Variants in ERH observed in about 807,000 individuals in gnomAD.
The protein encoded by ERH is enhancer of rudimentary homolog.
ERH carries 1 observed loss-of-function variant against 16.8 expected under a neutral mutation model. The ratio of observed to expected loss-of-function variants is 0.06; its 90% CI spans 0.02 to 0.28. The LOEUF is 0.28. ERH is among the 10% of genes least tolerant of loss of function. The pLI is 1.00. For synonymous variants in ERH, 43 were observed against 43.6 expected (o/e 0.99, Z 0.05); for missense variants, 42 against 127.5 (o/e 0.33, Z 3.23).
chr14:69,394,605 C>CACAA (rs1467591315), intron 2 of ERH, among the ~76,000 whole-genome samples: 1 of 124,696 alleles, frequency 8.0e-6, no homozygotes, highest in East Asian at 2.0e-4. Flanking sequence ...TCAAATAATA[C>CACAA]ATAAATAAAC....
intron 1 of ERH, 117 bp downstream of exon 1, chr14:69,398,113 TG>T: frequency 8.4e-7 from 1 of 1,189,594 alleles, no homozygotes; most frequent in Non-Finnish European, 1.2e-6. Flanking sequence ...CCGACTAGAG[TG>T]GCGGGGAGCA....
At chr14:69,391,237 C>G (rs564511170) in intron 2 of ERH, among the ~76,000 whole-genome samples, 2 of 152,248 alleles carry the variant, frequency 1.3e-5, no homozygotes, top group East Asian at 3.9e-4. Flanking sequence ...AGATGCTCTT[C>G]AATAAGTGAA....
At chr14:69,385,509 C>T (rs2045886477) in intron 3 of ERH, among the ~76,000 whole-genome samples, 1 of 152,014 alleles carries the variant, frequency 6.6e-6, no homozygotes, top group African/African-American at 2.4e-5. Context: ...TTTGAGCTAT[C>T]AGTTTCTCCT....
At chr14:69,396,341 A>T (rs1367705613) in intron 1 of ERH, among the ~76,000 whole-genome samples, 1 of 152,238 alleles carries the variant, frequency 6.6e-6, no homozygotes, top group Non-Finnish European at 1.5e-5. Context: ...AGCTCACCGC[A>T]ACCTCTGCTT....
At chr14:69,397,586 C>T (rs1000614845) in intron 1 of ERH, among the ~76,000 whole-genome samples, 5 of 152,170 alleles carry the variant, frequency 3.3e-5, no homozygotes, top group African/African-American at 1.2e-4. Flanking sequence ...CAACCCTGGC[C>T]CATTGTTCCT....
chr14:69,393,717 T>C (rs1467827752), intron 2 of ERH, among the ~76,000 whole-genome samples: 2 of 152,170 alleles, frequency 1.3e-5, no homozygotes, highest in Non-Finnish European at 2.9e-5. Flanking sequence ...CACCAGGTGA[T>C]GGCTACAATA....
At chr14:69,392,484 C>T (rs577014173) in intron 2 of ERH, among the ~76,000 whole-genome samples, 1 of 152,172 alleles carries the variant, frequency 6.6e-6, no homozygotes, top group South Asian at 2.1e-4. Flanking sequence ...ACTATGGAGA[C>T]AGTAAAAAGA....
intron 2 of ERH, 35 bp from the exon 3 acceptor site, chr14:69,387,118 A>T: frequency 6.3e-7 from 1 of 1,591,482 alleles, no homozygotes; most frequent in Non-Finnish European, 8.6e-7. Flanking sequence ...AAAATCTTAC[A>T]ATCGCATACA....
Position 69,380,462 on chromosome 14 carries a change from C to T in ERH, c.*76G>A. ...AAGTGGAAACAGGATTACTATGATA[C>T]AAAACTTCCACTACAGCACGCTGTA... On this transcript the variant is annotated 3_prime_UTR_variant, in exon 4 of 4. Coordinates refer to ENST00000557016, the MANE Select transcript of ERH (RefSeq NM_004450.3). 2 of 786,410 alleles carry T rather than the reference C, an allele frequency of 2.5e-6. No homozygotes were observed. The highest frequency in any genetic ancestry group is 4.5e-6 in the Non-Finnish European group (2 of 448,946). 48.7% of individuals were successfully genotyped at this position (786,410 alleles called of 1,614,324 possible).
intron 2 of ERH, among the ~76,000 whole-genome samples, chr14:69,394,497 G>T (rs1366342147): frequency 6.6e-6 from 1 of 152,230 alleles, no homozygotes; most frequent in Non-Finnish European, 1.5e-5. Context: ...TTGGGAGGCT[G>T]AGGCACAAGA....
intron 1 of ERH, among the ~76,000 whole-genome samples, chr14:69,396,252 C>A (rs1207002324): frequency 6.6e-6 from 1 of 152,248 alleles, no homozygotes. Context: ...GAACCCTAAA[C>A]TGTTTTGGAA....
chr14:69,384,247 T>C (rs1234460862), intron 3 of ERH, among the ~76,000 whole-genome samples: 1 of 152,256 alleles, frequency 6.6e-6, no homozygotes, highest in Non-Finnish European at 1.5e-5. Context: ...TCCTGACTTC[T>C]TCAATCTAGT....
At chr14:69,390,998 A>C (rs779719526) in intron 2 of ERH, among the ~76,000 whole-genome samples, 26 of 152,230 alleles carry the variant, frequency 1.7e-4, no homozygotes, top group Non-Finnish European at 3.5e-4. Flanking sequence ...GCTGGTAAGG[A>C]TGTGGAACAG....
intron 2 of ERH, among the ~76,000 whole-genome samples, chr14:69,391,540 T>A (rs1357370456): frequency 6.7e-6 from 1 of 148,538 alleles, no homozygotes. Context: ...CCCAGCTACT[T>A]GGGTGGCTGA....
intron 2 of ERH, among the ~76,000 whole-genome samples, chr14:69,390,734 C>T (rs2045919422): frequency 6.6e-6 from 1 of 152,126 alleles, no homozygotes; most frequent in South Asian, 2.1e-4. Flanking sequence ...TGAGAAGACA[C>T]CACAAACGGG....
In ERH at chr14:69,380,720, A is replaced by G. The variant is rs572453067; in HGVS notation, c.213-80T>C. The G allele has an allele frequency of 1.5e-5, 12 of 781,548 alleles. No individual in the cohort carries two copies. The Admixed American group carries it at 1.5e-4, about 10-fold the overall frequency. 48.4% of individuals were successfully genotyped at this position (781,548 alleles called of 1,614,324 possible). On this transcript the variant is annotated intron_variant, in intron 3 of 3. Coordinates refer to ENST00000557016, the MANE Select transcript of ERH (RefSeq NM_004450.3). ...TTAAATCCCCAAATTATAACTGCCC[A>G]ATGATGGCATAGATGTGCACATTTC...
intron 3 of ERH, among the ~76,000 whole-genome samples, chr14:69,383,342 A>G (rs2045873730): frequency 6.6e-6 from 1 of 152,220 alleles, no homozygotes; most frequent in African/African-American, 2.4e-5. Context: ...TTAATTTAAA[A>G]AAGTCCTAGG....
intron 3 of ERH, 68 bp from the exon 4 acceptor site, chr14:69,380,708 TTA>T: frequency 2.3e-6 from 2 of 856,564 alleles, no homozygotes; most frequent in South Asian, 2.8e-5. Flanking sequence ...AATCCCCAAA[TTA>T]TAACTGCCCA....
intron 3 of ERH, among the ~76,000 whole-genome samples, chr14:69,383,096 C>T (rs1337470348): frequency 6.6e-6 from 1 of 152,066 alleles, no homozygotes; most frequent in East Asian, 1.9e-4. Flanking sequence ...TGTCTCTAAG[C>T]AAACAAGAAA....
Sources: gnomAD v4.1 joint callset for allele counts (sites outside exome capture counted in the v4.1 genomes callset) on GRCh38, gnomAD v4.1.1 for gene constraint, MANE v1.5 for transcripts, NCBI Gene and HGNC (gene_info 2026-07-23, HGNC 2026-07-21) for gene names.